PDE1C: variants seen among roughly 807,000 people sequenced by gnomAD.
PDE1C encodes dual specificity calcium/calmodulin-dependent 3',5'-cyclic nucleotide phosphodiesterase 1C.
A neutral mutation model predicts 93.1 loss-of-function variants in PDE1C; 62 were observed. That is an observed-to-expected ratio of 0.67 (90% CI 0.54 to 0.82). PDE1C has a LOEUF of 0.82. Ranked by LOEUF, PDE1C falls within the 40% of genes least tolerant of loss-of-function variation. The pLI is 0.00. For synonymous variants in PDE1C, 325 were observed against 310.1 expected (o/e 1.05, Z -0.50); for missense variants, 742 against 884.6 (o/e 0.84, Z 2.04).
intron 16 of PDE1C, among the ~76,000 whole-genome samples, chr7:31,805,097 T>C (rs1786649346): frequency 6.6e-6 from 1 of 151,756 alleles, no homozygotes; most frequent in South Asian, 2.1e-4. Context: ...CACTTTCTTG[T>C]CTGCCACCAC....
chr7:32,100,782 A>G (rs1029207577), intron 3 of PDE1C, among the ~76,000 whole-genome samples: 2 of 152,228 alleles, frequency 1.3e-5, no homozygotes, highest in African/African-American at 4.8e-5. Context: ...TTGATGAAAA[A>G]TTTAGACCCA....
intron 1 of PDE1C, among the ~76,000 whole-genome samples, chr7:32,394,704 A>G (rs1343181961): frequency 6.6e-6 from 1 of 152,184 alleles, no homozygotes; most frequent in Non-Finnish European, 1.5e-5. Context: ...GCTAATCAGG[A>G]GGTTGAGGTG....
chr7:31,786,607 T>C (rs1236703223), intron 16 of PDE1C: 1 of 152,150 alleles, frequency 6.6e-6, no homozygotes, highest in East Asian at 1.9e-4. Context: ...AACACTGTGG[T>C]GGGCCAGCAC....
chr7:32,301,862 G>A (rs1223762868), upstream of PDE1C, among the ~76,000 whole-genome samples: 1 of 152,166 alleles, frequency 6.6e-6, no homozygotes, highest in African/African-American at 2.4e-5. Context: ...GATGAAATCT[G>A]GCCCATCACC....
the PDE1C span, among the ~76,000 whole-genome samples, chr7:31,734,174 GC>G: frequency 6.6e-6 from 1 of 152,118 alleles, no homozygotes; most frequent in Non-Finnish European, 1.5e-5. Context: ...ATGGTGTGAT[GC>G]CGAGTAACAC....
chr7:32,126,117 C>T (rs1413289432), intron 3 of PDE1C, among the ~76,000 whole-genome samples: 1 of 152,010 alleles, frequency 6.6e-6, no homozygotes, highest in African/African-American at 2.4e-5. Flanking sequence ...TTCCTAGAAC[C>T]TTTCTGGTCA....
intron 1 of PDE1C, among the ~76,000 whole-genome samples, chr7:32,338,400 C>T (rs1457669302): frequency 1.3e-5 from 2 of 152,096 alleles, no homozygotes; most frequent in Non-Finnish European, 2.9e-5. Flanking sequence ...TAGGAATATG[C>T]AAATCAAAAC....
At chr7:32,083,268 G>C (rs1325454769) in intron 3 of PDE1C, among the ~76,000 whole-genome samples, 6 of 151,010 alleles carry the variant, frequency 4.0e-5, no homozygotes, top group Non-Finnish European at 5.9e-5. Flanking sequence ...AAGATGAAAT[G>C]AATGAAATGA....
intron 5 of PDE1C, among the ~76,000 whole-genome samples, chr7:31,874,344 C>T (rs764750280): frequency 5.9e-5 from 9 of 152,188 alleles, no homozygotes; most frequent in Non-Finnish European, 8.8e-5. Flanking sequence ...AAGCAACAGT[C>T]ATTTGGCTTT....
chr7:32,154,099 T>G (rs1349018938), intron 3 of PDE1C, among the ~76,000 whole-genome samples: 1 of 152,042 alleles, frequency 6.6e-6, no homozygotes, highest in African/African-American at 2.4e-5. Flanking sequence ...ACAAAAAATA[T>G]TTTTTAAAAA....
the PDE1C span, among the ~76,000 whole-genome samples, chr7:31,617,997 G>GTT: frequency 6.6e-6 from 1 of 152,156 alleles, no homozygotes; most frequent in Non-Finnish European, 1.5e-5. Context: ...TAGATAAACT[G>GTT]TTTATGCTGT....
At chr7:32,154,053 A>G (rs1222140585) in intron 3 of PDE1C, among the ~76,000 whole-genome samples, 1 of 152,170 alleles carries the variant, frequency 6.6e-6, no homozygotes, top group Non-Finnish European at 1.5e-5. Context: ...CAGGAGTTTG[A>G]CGCCAGCCTG....
At chr7:32,011,426 T>G (rs1787094895) in intron 2 of PDE1C, among the ~76,000 whole-genome samples, 1 of 152,080 alleles carries the variant, frequency 6.6e-6, no homozygotes. Context: ...TCTCCTGACC[T>G]CGTGATCCAC....
chr7:31,984,405 G>T (rs1323879158), intron 2 of PDE1C, among the ~76,000 whole-genome samples: 3 of 152,082 alleles, frequency 2.0e-5, no homozygotes, highest in Non-Finnish European at 2.9e-5. Flanking sequence ...CACAAAATGG[G>T]TCCCTGGTGC....
chr7:31,721,667 T>C, the PDE1C span, among the ~76,000 whole-genome samples: 6 of 152,186 alleles, frequency 3.9e-5, no homozygotes, highest in African/African-American at 1.4e-4. Context: ...TAAATGCTAA[T>C]CAACATAATG....
chr7:32,374,179 A>AAAGAAAGAAAGAAAGAAAGAAAG lies in PDE1C; in HGVS notation c.310+53642_310+53643insCTTTCTTTCTTTCTTTCTTTCTT, dbSNP rs1554313954. The stretch of plus-strand genomic sequence containing the variant: ...AAGAAAGAGAAAGAAAGAAAGAAAG[A>AAAGAAAGAAAGAAAGAAAGAAAG]AAGAAAGAAAGAAAGAGAGGGAAAG... On this transcript the variant is annotated intron_variant, in intron 1 of 1. Transcript: ENST00000672256. Among the ~76,000 whole-genome samples the AAAGAAAGAAAGAAAGAAAGAAAG allele has an allele frequency of 9.4e-3, 293 of 31,248 alleles. 8 individuals are homozygous for AAAGAAAGAAAGAAAGAAAGAAAG. The highest frequency in any genetic ancestry group is 0.015 in the African/African-American group (253 of 16,394). The allele number at this position is 31,248 out of a possible 152,430, so 20.5% of individuals were successfully genotyped here. A position where few individuals can be genotyped will look rare whatever the true frequency, so the allele number is the denominator to read the frequency against.
intron 3 of PDE1C, among the ~76,000 whole-genome samples, chr7:32,119,175 A>T (rs922483543): frequency 6.6e-6 from 1 of 152,162 alleles, no homozygotes; most frequent in African/African-American, 2.4e-5. Context: ...CTCAAATTCC[A>T]AGTCTACCAA....
At chr7:31,888,695 A>C (rs1192414992) in intron 2 of PDE1C, among the ~76,000 whole-genome samples, 1 of 152,202 alleles carries the variant, frequency 6.6e-6, no homozygotes, top group Admixed American at 6.5e-5. Context: ...ATTCTGTATC[A>C]GAATAATGAT....
chr7:31,960,089 G>A (rs938062226), intron 2 of PDE1C, among the ~76,000 whole-genome samples: 11 of 151,782 alleles, frequency 7.2e-5, no homozygotes, highest in Non-Finnish European at 1.2e-4. Context: ...TGGCCAGCCT[G>A]GTCTTGAATC....
Sources: gnomAD v4.1 joint callset for allele counts (sites outside exome capture counted in the v4.1 genomes callset) on GRCh38, gnomAD v4.1.1 for gene constraint, MANE v1.5 for transcripts, NCBI Gene and HGNC (gene_info 2026-07-23, HGNC 2026-07-21) for gene names.